SLC16A12: variants seen among roughly 807,000 people sequenced by gnomAD.
The protein encoded by SLC16A12 is solute carrier family 16 member 12.
Under a neutral mutation model 42.4 loss-of-function variants are expected in SLC16A12, and 17 were observed. The observed-to-expected ratio is 0.40, with a 90% CI of 0.27 to 0.60. The LOEUF (loss-of-function observed/expected upper bound fraction) is 0.60, where lower values mean the gene tolerates loss of function less well. Ranked by LOEUF, SLC16A12 falls within the 20% of genes least tolerant of loss-of-function variation. The probability of loss-of-function intolerance (pLI) is 0.42; values close to 1 mark genes in which losing one functional copy is unlikely to be tolerated. For missense variants in SLC16A12, 544 were observed against 623.0 expected, an observed-to-expected ratio of 0.87 and a Z score of 1.35; for synonymous variants, 224 against 229.4, an observed-to-expected ratio of 0.98 and a Z score of 0.21.
chr10:89,529,880 C>A (rs903325307), intron 2 of SLC16A12, among the ~76,000 whole-genome samples: 1 of 152,096 alleles, frequency 6.6e-6, no homozygotes, highest in East Asian at 1.9e-4. Context: ...AATGCTATAT[C>A]TATAAGAGGC....
intron 2 of SLC16A12, among the ~76,000 whole-genome samples, chr10:89,507,277 C>T (rs170001): frequency 0.57 from 86,597 of 151,700 alleles, 25,186 homozygotes; most frequent in African/African-American, 0.65. Flanking sequence ...AATCATCAGA[C>T]TCACCAAGGT....
chr10:89,460,290 T>C (rs1159276747), intron 3 of SLC16A12, among the ~76,000 whole-genome samples: 1 of 152,134 alleles, frequency 6.6e-6, no homozygotes, highest in Admixed American at 6.5e-5. Context: ...AGACTCATAA[T>C]ATAGATGAGT....
At chr10:89,515,196 A>C (rs1343691547) in intron 2 of SLC16A12, among the ~76,000 whole-genome samples, 1 of 152,170 alleles carries the variant, frequency 6.6e-6, no homozygotes, top group Non-Finnish European at 1.5e-5. Flanking sequence ...TGATGATTAC[A>C]TGAGGACACA....
At chr10:89,459,912 G>A (rs568191845) in intron 3 of SLC16A12, among the ~76,000 whole-genome samples, 3 of 152,306 alleles carry the variant, frequency 2.0e-5, no homozygotes, top group East Asian at 1.9e-4. Context: ...CTGCACTTCC[G>A]CCTGGGCAAT....
chr10:89,451,427 T>C (rs55828444), intron 3 of SLC16A12, among the ~76,000 whole-genome samples: 1,603 of 152,230 alleles, frequency 0.011, 30 homozygotes, highest in African/African-American at 0.037. Flanking sequence ...CTTTTTTTTT[T>C]TGAAACAGAG....
At chr10:89,556,235 TA>T (rs1159798802) in intron 1 of SLC16A12, among the ~76,000 whole-genome samples, 1 of 152,116 alleles carries the variant, frequency 6.6e-6, no homozygotes, top group East Asian at 1.9e-4. Context: ...CATTGATAAA[TA>T]ATTTGCAGAA....
intron 2 of SLC16A12, among the ~76,000 whole-genome samples, chr10:89,471,574 G>A (rs946164979): frequency 6.6e-6 from 1 of 152,106 alleles, no homozygotes; most frequent in Non-Finnish European, 1.5e-5. Context: ...TTTACATTAT[G>A]AATAAAACTT....
chr10:89,521,789 G>A (rs1843362831), intron 2 of SLC16A12, among the ~76,000 whole-genome samples: 1 of 152,198 alleles, frequency 6.6e-6, no homozygotes, highest in Non-Finnish European at 1.5e-5. Context: ...AAAGTTACCT[G>A]TGATGTGTGT....
At position 89,500,644 on chromosome 10, in the gene SLC16A12, C is replaced by A. The variant is rs192426666; in HGVS notation, c.-47+33857G>T. On this transcript the variant is annotated intron_variant, in intron 2 of 7. Coordinates refer to ENST00000371790, the MANE Select transcript of SLC16A12 (RefSeq NM_213606.4). Reference sequence around the variant, plus strand: ...GCAAAATCGGCATACAAGGGACATTCCTCAATGTAATAAAATCCATCTATG... The same window carrying A: ...GCAAAATCGGCATACAAGGGACATTACTCAATGTAATAAAATCCATCTATG... 3.6e-3 allele frequency among the ~76,000 whole-genome samples: 550 copies of A among 152,198 alleles called. 3 individuals are homozygous for A. Among genetic ancestry groups the A allele is most frequent in the African/African-American group, 0.012 (503 of 41,536 alleles).
chr10:89,465,769 G>T (rs1052354202), intron 2 of SLC16A12, among the ~76,000 whole-genome samples: 7 of 152,176 alleles, frequency 4.6e-5, no homozygotes, highest in Non-Finnish European at 1.0e-4. Flanking sequence ...GTGGCCATCT[G>T]GGCCCAGTCC....
chr10:89,554,148 GA>G (rs1843794068), intron 2 of SLC16A12, among the ~76,000 whole-genome samples: 2 of 150,520 alleles, frequency 1.3e-5, no homozygotes, highest in Admixed American at 6.6e-5. Context: ...AGGAAGGAAA[GA>G]AAGAAAGAAA....
intron 2 of SLC16A12, among the ~76,000 whole-genome samples, chr10:89,525,566 C>T (rs946842701): frequency 6.6e-6 from 1 of 152,196 alleles, no homozygotes; most frequent in African/African-American, 2.4e-5. Flanking sequence ...CACTGGAACA[C>T]TTCAATTATC....
chr10:89,480,051 C>T (rs1421750375), intron 2 of SLC16A12, among the ~76,000 whole-genome samples: 1 of 152,148 alleles, frequency 6.6e-6, no homozygotes, highest in African/African-American at 2.4e-5. Context: ...AATAGTAACA[C>T]AACATGGCTC....
At chr10:89,554,005 A>C (rs1449380709) in intron 2 of SLC16A12, among the ~76,000 whole-genome samples, 6 of 148,830 alleles carry the variant, frequency 4.0e-5, no homozygotes, top group Non-Finnish European at 8.9e-5. Flanking sequence ...AAAAAGAAAG[A>C]AAGAAAGAGA....
chr10:89,491,818 G>A (rs1237032811), intron 2 of SLC16A12, among the ~76,000 whole-genome samples: 1 of 152,160 alleles, frequency 6.6e-6, no homozygotes, highest in Non-Finnish European at 1.5e-5. Flanking sequence ...ATGGGGAAAG[G>A]CTGTTCCCAC....
chr10:89,495,366 A>C (rs1409855399), intron 2 of SLC16A12, among the ~76,000 whole-genome samples: 7 of 151,726 alleles, frequency 4.6e-5, no homozygotes, highest in Admixed American at 4.6e-4. Context: ...AAAAACAAAC[A>C]AACAAACAAA....
intron 3 of SLC16A12, among the ~76,000 whole-genome samples, chr10:89,460,762 A>G (rs929182664): frequency 2.0e-5 from 3 of 151,542 alleles, no homozygotes; most frequent in Non-Finnish European, 4.4e-5. Context: ...AAAAAAAAAA[A>G]AAAAAATCAC....
At chr10:89,493,370 G>T (rs1056185075) in intron 2 of SLC16A12, among the ~76,000 whole-genome samples, 19 of 152,174 alleles carry the variant, frequency 1.2e-4, no homozygotes, top group African/African-American at 4.3e-4. Context: ...TTACAGGCAT[G>T]TGTCACTATG....
chr10:89,552,294 A>T (rs919923068), intron 2 of SLC16A12, among the ~76,000 whole-genome samples: 1 of 152,266 alleles, frequency 6.6e-6, no homozygotes, highest in African/African-American at 2.4e-5. Context: ...AACAGAAAAC[A>T]GATTATAAAG....
Sources: gnomAD v4.1 joint callset for allele counts (sites outside exome capture counted in the v4.1 genomes callset) on GRCh38, gnomAD v4.1.1 for gene constraint, MANE v1.5 for transcripts, NCBI Gene and HGNC (gene_info 2026-07-23, HGNC 2026-07-21) for gene names.